The following MMD2 variants were observed in gnomAD, a reference collection of about 807,000 sequenced individuals.
The protein encoded by MMD2 is monocyte to macrophage differentiation factor 2.
A neutral mutation model predicts 33.5 loss-of-function variants in MMD2; 30 were observed. The observed-to-expected ratio is 0.90, with a 90% CI of 0.67 to 1.22. The LOEUF is 1.22. Among genes scored for constraint, MMD2 ranks in the 50% most tolerant of loss-of-function variants. The pLI is 0.00. For missense variants in MMD2, 364 were observed against 325.4 expected (o/e 1.12, Z -0.91); for synonymous variants, 129 against 123.0 (o/e 1.05, Z -0.32).
chr7:4,941,703 T>C (rs1449585264), intron 1 of MMD2, among the ~76,000 whole-genome samples: 1 of 151,860 alleles, frequency 6.6e-6, no homozygotes, highest in Non-Finnish European at 1.5e-5. Context: ...TTTATACTTT[T>C]TTAAACTGCT....
At chr7:4,908,266 C>T (rs556277573) in intron 6 of MMD2, among the ~76,000 whole-genome samples, 154 of 151,724 alleles carry the variant, frequency 1.0e-3, no homozygotes, top group Non-Finnish European at 1.8e-3. Flanking sequence ...CTCAGCCTCC[C>T]GAGTAGCTGG....
At chr7:4,917,304 G>A (rs1042170479) in intron 3 of MMD2, among the ~76,000 whole-genome samples, 14 of 152,154 alleles carry the variant, frequency 9.2e-5, no homozygotes, top group Admixed American at 1.3e-4. Flanking sequence ...AACCTGACAC[G>A]GGGCTGTGGG....
chr7:4,924,796 G>C (rs1268459626), intron 2 of MMD2, among the ~76,000 whole-genome samples: 1 of 152,218 alleles, frequency 6.6e-6, no homozygotes, highest in African/African-American at 2.4e-5. Context: ...TTCCATTTAG[G>C]AAACAGTGAG....
At chr7:4,899,863 T>C in the MMD2 span, among the ~76,000 whole-genome samples, 1 of 152,190 alleles carries the variant, frequency 6.6e-6, no homozygotes, top group Non-Finnish European at 1.5e-5. Context: ...TAAGGGCTGC[T>C]GGCCCCAGCC....
At chr7:4,939,978 G>A (rs1363465891) in intron 1 of MMD2, among the ~76,000 whole-genome samples, 1 of 152,168 alleles carries the variant, frequency 6.6e-6, no homozygotes, top group Non-Finnish European at 1.5e-5. Flanking sequence ...CTGACCTCAA[G>A]CAATCCATCT....
At chr7:4,901,495 G>A (rs1784793801), downstream of MMD2, among the ~76,000 whole-genome samples, 1 of 152,182 alleles carries the variant, frequency 6.6e-6, no homozygotes, top group Admixed American at 6.5e-5. Context: ...AAACCCTGAT[G>A]TGTGTATAGC....
the MMD2 span, among the ~76,000 whole-genome samples, chr7:4,895,448 G>A: frequency 6.6e-6 from 1 of 152,326 alleles, no homozygotes; most frequent in Admixed American, 6.5e-5. Context: ...CGGGGTTGCG[G>A]TGTGGAGAAA....
intron 4 of MMD2, among the ~76,000 whole-genome samples, chr7:4,913,771 C>G (rs1785072968): frequency 6.7e-6 from 1 of 149,578 alleles, no homozygotes; most frequent in Non-Finnish European, 1.5e-5. Context: ...AAGCCATTCT[C>G]CTGCCTTAGC....
At chr7:4,920,891 T>G (rs1016955808) in intron 2 of MMD2, among the ~76,000 whole-genome samples, 1 of 151,922 alleles carries the variant, frequency 6.6e-6, no homozygotes, top group African/African-American at 2.4e-5. Context: ...CCAATTTTTA[T>G]ATTTTTTATA....
chr7:4,951,754 T>C (rs1351833627), intron 1 of MMD2, among the ~76,000 whole-genome samples: 1 of 151,630 alleles, frequency 6.6e-6, no homozygotes, highest in African/African-American at 2.4e-5. Flanking sequence ...CATGAGCCAC[T>C]ACAACTGGCT....
intron 1 of MMD2, among the ~76,000 whole-genome samples, chr7:4,932,372 G>A (rs989304950): frequency 1.3e-5 from 2 of 151,936 alleles, no homozygotes; most frequent in Non-Finnish European, 2.9e-5. Context: ...CTCTAGTCAG[G>A]CATTTTAAGA....
chr7:4,914,701 C>T (rs1316121226), intron 4 of MMD2, among the ~76,000 whole-genome samples: 2 of 152,126 alleles, frequency 1.3e-5, no homozygotes, highest in Non-Finnish European at 2.9e-5. Flanking sequence ...GAGGCCGAGG[C>T]AGGCAGATCA....
chr7:4,941,786 T>C (rs1251337264), intron 1 of MMD2, among the ~76,000 whole-genome samples: 1 of 151,776 alleles, frequency 6.6e-6, no homozygotes, highest in Non-Finnish European at 1.5e-5. Context: ...CTGGTGTCCC[T>C]GACTCAAATA....
At chr7:4,895,034 A>G in the MMD2 span, among the ~76,000 whole-genome samples, 1 of 151,566 alleles carries the variant, frequency 6.6e-6, no homozygotes. Flanking sequence ...TGTATCCCCA[A>G]CGCTCAGCCG....
rs1491481447 is a variant in MMD2, at chr7:4,945,240, C to CTTCTTCTTCTTCTTCTTCTTCTTCTTCT, written c.47+13730_47+13731insAGAAGAAGAAGAAGAAGAAGAAGAAGAA. Among the ~76,000 whole-genome samples, 41 of 16,582 alleles carry CTTCTTCTTCTTCTTCTTCTTCTTCTTCT rather than the reference C, an allele frequency of 2.5e-3. 1 individual carries two copies. Among genetic ancestry groups the CTTCTTCTTCTTCTTCTTCTTCTTCTTCT allele is most frequent in the Admixed American group, 6.0e-3 (8 of 1,330 alleles). The allele number at this position is 16,582 out of a possible 152,430, so 10.9% of individuals were successfully genotyped here. Reference sequence around the variant, plus strand: ...CTTCTTCTTCTTCTTCTTCTTCTTCCTCTCTCTCTTTCTTTCCCTCCCCTT... The same window carrying CTTCTTCTTCTTCTTCTTCTTCTTCTTCT: ...CTTCTTCTTCTTCTTCTTCTTCTTCCTTCTTCTTCTTCTTCTTCTTCTTCTTCTTCTCTCTCTTTCTTTCCCTCCCCTT... On this transcript the variant is annotated intron_variant, in intron 1 of 6. Coordinates refer to ENST00000401401, the MANE Select transcript of MMD2 (RefSeq NM_198403.4).
chr7:4,929,414 C>G lies in MMD2; in HGVS notation c.48-3882G>C, dbSNP rs150820471. ...CCCTGGGGACCCCATTGAAGCCCCCCCCAGGAGCCCAGAACACGCCGCCCA... is the reference window on the plus strand; with the variant it reads ...CCCTGGGGACCCCATTGAAGCCCCCGCCAGGAGCCCAGAACACGCCGCCCA... On this transcript the variant is annotated intron_variant, in intron 1 of 6. Coordinates refer to ENST00000401401, the MANE Select transcript of MMD2 (RefSeq NM_198403.4). 3.3e-3 allele frequency among the ~76,000 whole-genome samples: 497 copies of G among 152,230 alleles called. 2 individuals carry two copies. The highest frequency in any genetic ancestry group is 0.011 in the African/African-American group (460 of 41,534).
In MMD2 at chr7:4,907,557, A is replaced by C. The variant is rs368509258; in HGVS notation, c.580T>G (p.Phe194Val). 1 of 1,613,152 alleles carries C rather than the reference A, an allele frequency of 6.2e-7. No individual in the cohort carries two copies. Among genetic ancestry groups the C allele is most frequent in the African/African-American group, 1.3e-5 (1 of 74,906 alleles). ...AAGAAGACCATGCCCAGGCAGTAGA[A>C]GACCCCTCCGGTCACCAGCTCCCAG... ...GIWELVTGGV[F>V]YCLGMVFFKS... is the part of the protein sequence containing the mutation. The change falls in exon 7 of 7, where the codon TTC becomes GTC. Residue 194 changes from phenylalanine (F) to valine (V), a missense_variant. Transcript: ENST00000401401.
rs545741087 is a variant in MMD2 at position 4,922,140 on chromosome 7, C to T, written c.130-1809G>A. 3.6e-3 allele frequency among the ~76,000 whole-genome samples: 544 copies of T among 152,102 alleles called. 3 individuals are homozygous for T. Among genetic ancestry groups the T allele is most frequent in the South Asian group, 0.015 (72 of 4,810 alleles). On this transcript the variant is annotated intron_variant, in intron 2 of 6. Coordinates refer to ENST00000401401, the MANE Select transcript of MMD2 (RefSeq NM_198403.4). The stretch of plus-strand genomic sequence containing the variant: ...ACTTGGGAGGCTGAGGCAGGAGAAT[C>T]GCTTCAACCCAGGAGGCGGAGGTTG...
At chr7:4,929,036 G>A (rs1475121926) in intron 1 of MMD2, among the ~76,000 whole-genome samples, 2 of 152,172 alleles carry the variant, frequency 1.3e-5, no homozygotes, top group Non-Finnish European at 2.9e-5. Flanking sequence ...TACATATGCT[G>A]GTATGGGCAG....
Sources: gnomAD v4.1 joint callset for allele counts (sites outside exome capture counted in the v4.1 genomes callset) on GRCh38, gnomAD v4.1.1 for gene constraint, MANE v1.5 for transcripts, NCBI Gene and HGNC (gene_info 2026-07-23, HGNC 2026-07-21) for gene names.